JAKMIP1: variants seen among roughly 807,000 people sequenced by gnomAD.
JAKMIP1 encodes the protein janus kinase and microtubule interacting protein 1, also known as janus kinase and microtubule-interacting protein 1.
A neutral mutation model predicts 113.0 loss-of-function variants in JAKMIP1; 33 were observed. The observed-to-expected ratio is 0.29, with a 90% CI of 0.22 to 0.39. The LOEUF (loss-of-function observed/expected upper bound fraction) is 0.39. Among genes scored for constraint, JAKMIP1 ranks in the 10% least tolerant of loss-of-function variants. The pLI is 1.00. For synonymous variants in JAKMIP1, 480 were observed against 459.9 expected, an observed-to-expected ratio of 1.04 and a Z score of -0.56; for missense variants, 813 against 1,080.5, an observed-to-expected ratio of 0.75 and a Z score of 3.47.
rs768218537 is a variant in JAKMIP1 at position 6,180,245 on chromosome 4, T to C, written c.-148+20008A>G. The stretch of plus-strand genomic sequence containing the variant: ...ACCCACAAACAGAAATAATTTCTGA[T>C]AAAATTGCTACTCGTAACATTCAGA... On this transcript the variant is annotated intron_variant, in intron 1 of 20. Coordinates refer to ENST00000409021, the MANE Select transcript of JAKMIP1 (RefSeq NM_001099433.2). The surrounding 1 kb of genome is among the most constrained non-coding windows in gnomAD (Gnocchi z 4.5). Among the ~76,000 whole-genome samples, 2 of 152,184 alleles carry C rather than the reference T, an allele frequency of 1.3e-5. No individual in the cohort carries two copies. The highest frequency in any genetic ancestry group is 2.4e-5 in the African/African-American group (1 of 41,454).
At chr4:6,130,770 C>T (rs144390210) in intron 1 of JAKMIP1, among the ~76,000 whole-genome samples, 15 of 151,878 alleles carry the variant, frequency 9.9e-5, no homozygotes, top group South Asian at 2.1e-4. Flanking sequence ...ATTAGTAGAC[C>T]GAACACAGCT....
In JAKMIP1 at chr4:6,042,412, C is replaced by G. The variant is rs1714448843; in HGVS notation, c.2029-185G>C. Among the ~76,000 whole-genome samples the G allele has an allele frequency of 6.6e-6, 1 of 152,102 alleles. No homozygotes were observed. Among genetic ancestry groups the G allele is most frequent in the Admixed American group, 6.5e-5 (1 of 15,278 alleles). On this transcript the variant is annotated intron_variant, in intron 16 of 20. Transcript: ENST00000409021. The surrounding 1 kb of genome is among the most constrained non-coding windows in gnomAD (Gnocchi z 5.2). ...CGTGGTTGTGTGTGCATGGTCCAGC[C>G]TGCATGTGCAGGAGGTCTTAGGTGT...
Position 6,178,993 on chromosome 4 carries a change from C to A in JAKMIP1, c.-148+21260G>T, listed in dbSNP as rs1206788870. 1.3e-5 allele frequency among the ~76,000 whole-genome samples: 2 copies of A among 152,230 alleles called. No individual in the cohort carries two copies. Among genetic ancestry groups the A allele is most frequent in the African/African-American group, 4.8e-5 (2 of 41,468 alleles). On this transcript the variant is annotated intron_variant, in intron 1 of 20. Coordinates refer to ENST00000409021, the MANE Select transcript of JAKMIP1 (RefSeq NM_001099433.2). The surrounding 1 kb of genome is among the most constrained non-coding windows in gnomAD (Gnocchi z 5.5). Reference sequence around the variant, plus strand: ...CTGGAATGTCTTCAGAATGGATTGCCACATCCAAAAAGATCAGGTTACAAA... The same window carrying A: ...CTGGAATGTCTTCAGAATGGATTGCAACATCCAAAAAGATCAGGTTACAAA...
chr4:6,196,481 T>TG (rs1727859157), intron 1 of JAKMIP1, among the ~76,000 whole-genome samples: 1 of 152,214 alleles, frequency 6.6e-6, no homozygotes, highest in South Asian at 2.1e-4. Flanking sequence ...TGGCCAGCCC[T>TG]GGGGTCACTG....
intron 1 of JAKMIP1, among the ~76,000 whole-genome samples, chr4:6,146,621 G>T (rs1720886670): frequency 6.6e-6 from 1 of 152,202 alleles, no homozygotes; most frequent in African/African-American, 2.4e-5. Flanking sequence ...AGACTGTGGT[G>T]ATGGTTGCAT....
rs1017082182 is a variant in JAKMIP1, at chr4:6,108,801, A to T, written c.130-2834T>A. On this transcript the variant is annotated intron_variant, in intron 2 of 20. Coordinates refer to ENST00000409021, the MANE Select transcript of JAKMIP1 (RefSeq NM_001099433.2). This position sits in a 1 kb window ranked among gnomAD's most constrained non-coding sequence, Gnocchi z 5.6. ...GAGTAAGAGGTTACAGACAAGCAAG[A>T]GGAGGCTGAAGGGAGCCATGCGGCA... 6.6e-6 allele frequency among the ~76,000 whole-genome samples: 1 copy of T among 152,222 alleles called. No homozygotes were observed. Among genetic ancestry groups the T allele is most frequent in the Non-Finnish European group, 1.5e-5 (1 of 68,046 alleles).
chr4:6,084,396 C>T (rs1466784255), intron 5 of JAKMIP1, among the ~76,000 whole-genome samples: 5 of 151,332 alleles, frequency 3.3e-5, no homozygotes, highest in African/African-American at 1.2e-4. Flanking sequence ...ATGCATTTTT[C>T]ATTTAATTTA....
In JAKMIP1 at chr4:6,143,234, T is replaced by C. The variant is rs1720408160; in HGVS notation, c.-147-30237A>G. On this transcript the variant is annotated intron_variant, in intron 1 of 20. Transcript: ENST00000409021. This position sits in a 1 kb window ranked among gnomAD's most constrained non-coding sequence, Gnocchi z 4.9. ...GTGGTAGAGTTTGCAGAAAGCACTA[T>C]CTTAATTTTTGTTTTTATTTTCCTT... Among the ~76,000 whole-genome samples, 2 of 152,236 alleles carry C rather than the reference T, an allele frequency of 1.3e-5. No homozygotes were observed. Among genetic ancestry groups the C allele is most frequent in the African/African-American group, 4.8e-5 (2 of 41,466 alleles).
intron 1 of JAKMIP1, among the ~76,000 whole-genome samples, chr4:6,128,633 G>A (rs774944141): frequency 3.3e-5 from 5 of 152,144 alleles, no homozygotes; most frequent in Admixed American, 6.5e-5. Flanking sequence ...CGGGAGCCAC[G>A]TGCCTCCTCC....
rs1469578428 is a variant in JAKMIP1, at chr4:6,081,918, C to G, written c.955-163G>C. On this transcript the variant is annotated intron_variant, in intron 5 of 20. Transcript: ENST00000409021. This position sits in a 1 kb window ranked among gnomAD's most constrained non-coding sequence, Gnocchi z 4.6. ...AGTTGCATGACAATGGGCAAGTTCT[C>G]AGCCTCAGTTTCCTCATCTATCAAA... Among the ~76,000 whole-genome samples the G allele has an allele frequency of 6.6e-6, 1 of 152,210 alleles. No homozygotes were observed. Among genetic ancestry groups the G allele is most frequent in the African/African-American group, 2.4e-5 (1 of 41,442 alleles).
rs1405696641 is a variant in JAKMIP1 at position 6,076,374 on chromosome 4, T to C, written c.1302+2565A>G. On this transcript the variant is annotated intron_variant, in intron 8 of 20. Transcript: ENST00000409021. The surrounding 1 kb of genome is among the most constrained non-coding windows in gnomAD (Gnocchi z 4.8). Reference sequence around the variant, plus strand: ...TGAGTTTGAAACTCAGCCTTGTCAATTTAATTTTTCTCTGAGTTTTTCTAT... The same window carrying C: ...TGAGTTTGAAACTCAGCCTTGTCAACTTAATTTTTCTCTGAGTTTTTCTAT... Among the ~76,000 whole-genome samples the C allele has an allele frequency of 6.7e-6, 1 of 148,764 alleles. No homozygotes were observed. The highest frequency in any genetic ancestry group is 1.5e-5 in the Non-Finnish European group (1 of 67,168).
At chr4:6,173,485 A>T (rs2109026923) in intron 1 of JAKMIP1, among the ~76,000 whole-genome samples, 1 of 152,318 alleles carries the variant, frequency 6.6e-6, no homozygotes, top group East Asian at 1.9e-4. Context: ...CAGGTGACCA[A>T]GACCACAGGA....
chr4:6,047,448 G>C (rs927827119), intron 16 of JAKMIP1, among the ~76,000 whole-genome samples: 1 of 152,164 alleles, frequency 6.6e-6, no homozygotes, highest in African/African-American at 2.4e-5. Context: ...CATGTGCCCC[G>C]CCCCGTGCCT....
chr4:6,169,995 CACCA>C (rs1724184842), intron 1 of JAKMIP1, among the ~76,000 whole-genome samples: 10 of 97,158 alleles, frequency 1.0e-4, no homozygotes, highest in African/African-American at 1.3e-4. Context: ...CCACCACCAC[CACCA>C]CCACCACCAC....
At chr4:6,169,513 T>A (rs1724074879) in intron 1 of JAKMIP1, among the ~76,000 whole-genome samples, 1 of 152,106 alleles carries the variant, frequency 6.6e-6, no homozygotes, top group Non-Finnish European at 1.5e-5. Flanking sequence ...CACACCTTCA[T>A]CTCAGACTTC....
chr4:6,120,375 C>T (rs1012203562), intron 1 of JAKMIP1, among the ~76,000 whole-genome samples: 4 of 152,104 alleles, frequency 2.6e-5, no homozygotes, highest in East Asian at 1.9e-4. Flanking sequence ...AAGCAATTCC[C>T]GAAAGGAAAG....
chr4:6,046,674 C>T (rs1238456450), intron 16 of JAKMIP1, among the ~76,000 whole-genome samples: 1 of 152,170 alleles, frequency 6.6e-6, no homozygotes, highest in Non-Finnish European at 1.5e-5. Flanking sequence ...TGGCCGGATC[C>T]CAGACAGGTT....
Position 6,141,636 on chromosome 4 carries a change from A to G in JAKMIP1, c.-147-28639T>C, listed in dbSNP as rs1212695264. Among the ~76,000 whole-genome samples, 1 of 152,070 alleles carries G rather than the reference A, an allele frequency of 6.6e-6. No homozygotes were observed. Among genetic ancestry groups the G allele is most frequent in the African/African-American group, 2.4e-5 (1 of 41,410 alleles). ...AATGCCCTTTCTCCTCCACTCCCAA[A>G]TCCACATGATTCTCCATCTTAACTT... is the stretch of plus-strand genomic sequence containing the variant. On this transcript the variant is annotated intron_variant, in intron 1 of 20. Transcript: ENST00000409021. The surrounding 1 kb of genome is among the most constrained non-coding windows in gnomAD (Gnocchi z 9.4).
intron 3 of JAKMIP1, among the ~76,000 whole-genome samples, chr4:6,098,082 T>C (rs2108856185): frequency 6.6e-6 from 1 of 152,282 alleles, no homozygotes. Context: ...CAAGGTGCTG[T>C]CCAAAACCAC....
Sources: allele counts gnomAD v4.1 joint callset (sites outside exome capture counted in the v4.1 genomes callset), GRCh38; gene constraint gnomAD v4.1.1; non-coding constraint Gnocchi (gnomAD v3.1); transcripts MANE v1.5; gene names NCBI Gene and HGNC (gene_info 2026-07-23, HGNC 2026-07-21).